CPOX: variants seen among roughly 807,000 people sequenced by gnomAD.
CPOX encodes the protein coproporphyrinogen oxidase.
Under a neutral mutation model 48.9 loss-of-function variants are expected in CPOX, and 24 were observed. The observed-to-expected ratio is 0.49, with a 90% CI of 0.36 to 0.69. The LOEUF (loss-of-function observed/expected upper bound fraction) is 0.69, where lower values mean the gene tolerates loss of function less well. CPOX is among the 30% of genes least tolerant of loss of function. The probability of loss-of-function intolerance (pLI) is 0.00; values close to 1 mark genes in which losing one functional copy is unlikely to be tolerated. For missense variants in CPOX, 549 were observed against 597.3 expected (o/e 0.92, Z 0.84); for synonymous variants, 249 against 234.6 (o/e 1.06, Z -0.56).
Position 98,580,316 on chromosome 3 carries a change from G to T in CPOX, c.*367C>A. 3 of 1,008,916 alleles carry T rather than the reference G, an allele frequency of 3.0e-6. No individual in the cohort carries two copies. Among genetic ancestry groups the T allele is most frequent in the Non-Finnish European group, 3.6e-6 (3 of 843,828 alleles). 62.5% of individuals were successfully genotyped at this position (1,008,916 alleles called of 1,614,324 possible). On this transcript the variant is annotated 3_prime_UTR_variant, in exon 7 of 7. Transcript: ENST00000647941. ...ATATATTCCACGACAGATTTTTGTG[G>T]CACAAATGAAAACTTTAAAAAATAC...
intron 4 of CPOX, 24 bp downstream of exon 4, chr3:98,588,689 T>A (rs756562257): frequency 1.2e-6 from 2 of 1,613,804 alleles, no homozygotes; most frequent in Non-Finnish European, 1.7e-6. Context: ...TTTGGGGTCA[T>A]GAAAGTTCAG....
At chr3:98,579,083 C>A (rs543208875), downstream of CPOX, among the ~76,000 whole-genome samples, 29 of 152,322 alleles carry the variant, frequency 1.9e-4, no homozygotes, top group Non-Finnish European at 3.2e-4. Flanking sequence ...GCCTACCCAA[C>A]ATGAAAACAA....
In CPOX at chr3:98,585,502, T is replaced by G. The variant is rs1365778226; in HGVS notation, c.1111A>C (p.Lys371Gln). Reference protein sequence around the residue: ...VVPSYIPLVKKHCDDSFTPQE... With the variant: ...VVPSYIPLVKQHCDDSFTPQE... ...GGGGTGAATGAGTCATCACAGTGCT[T>G]TTTCACAAGGGGAATGTAAGAAGGA... Residue 371 changes from lysine (K) to glutamine (Q), a missense_variant, in exon 5 of 7, where the codon AAG becomes CAG. Around this residue, in one of 2 missense-constraint regions of CPOX, gnomAD observed 213 missense variants for 279.1 expected, o/e 0.76. Coordinates refer to ENST00000647941, the MANE Select transcript of CPOX (RefSeq NM_000097.7). 1 of 1,614,066 alleles carries G rather than the reference T, an allele frequency of 6.2e-7. No homozygotes were observed. The highest frequency in any genetic ancestry group is 1.3e-5 in the African/African-American group (1 of 74,990).
Position 98,590,674 on chromosome 3 carries a change from T to G in CPOX, c.769A>C (p.Ile257Leu). Reference sequence around the variant, plus strand: ...TCAAAGTATCTGTAGTTGAAATGGATAGTAGGAGCATGAGGATTCTTGGGG... The same window carrying G: ...TCAAAGTATCTGTAGTTGAAATGGAGAGTAGGAGCATGAGGATTCTTGGGG... ...IHPKNPHAPT[I>L]HFNYRYFEVE... is the part of the protein sequence containing the mutation. The change falls in exon 3 of 7, where the codon ATC (isoleucine) becomes CTC (leucine). Residue 257 changes from isoleucine (I) to leucine (L), a missense_variant. Around this residue, in one of 2 missense-constraint regions of CPOX, gnomAD observed 213 missense variants for 279.1 expected, o/e 0.76. Coordinates refer to ENST00000647941, the MANE Select transcript of CPOX (RefSeq NM_000097.7). 6.2e-7 allele frequency: 1 copy of G among 1,614,056 alleles called. No homozygotes were observed. The highest frequency in any genetic ancestry group is 8.5e-7 in the Non-Finnish European group (1 of 1,179,910).
chr3:98,578,163 A>C, downstream of CPOX: 1 of 706,664 alleles, frequency 1.4e-6, no homozygotes, highest in South Asian at 6.3e-5. Context: ...AAGAAATTGA[A>C]AGAGAAATTC....
chr3:98,583,676 T>C (rs573468912), intron 5 of CPOX, among the ~76,000 whole-genome samples: 5 of 152,248 alleles, frequency 3.3e-5, no homozygotes, highest in Non-Finnish European at 7.4e-5. Context: ...CTGGATGAGA[T>C]TGCCAAATAA....
At chr3:98,584,523 G>A (rs1482827835) in intron 5 of CPOX, among the ~76,000 whole-genome samples, 1 of 152,150 alleles carries the variant, frequency 6.6e-6, no homozygotes, top group Non-Finnish European at 1.5e-5. Flanking sequence ...TCTTTAGACT[G>A]GAAACATTAT....
chr3:98,585,673 C>A lies in CPOX; in HGVS notation c.954-14G>T, dbSNP rs753600083. ...TAATCATCACACCTGGAAAACACAG[C>A]GGCGCCAAACCAGGGATCAAATGGA... On this transcript the variant is annotated splice_polypyrimidine_tract_variant and intron_variant, in intron 4 of 6. Transcript: ENST00000647941. 1.1e-5 allele frequency: 17 copies of A among 1,597,748 alleles called. No individual in the cohort carries two copies. Among genetic ancestry groups the A allele is most frequent in the East Asian group, 2.2e-5 (1 of 44,786 alleles).
Position 98,580,484 on chromosome 3 carries a change from A to G in CPOX, c.*199T>C. On this transcript the variant is annotated 3_prime_UTR_variant, in exon 7 of 7. Coordinates refer to ENST00000647941, the MANE Select transcript of CPOX (RefSeq NM_000097.7). ...TAGAAGTATAAATGAGGTTTAATCA[A>G]TTGACTCTGACAATCTGCCATCTCA... The G allele has an allele frequency of 7.0e-7, 1 of 1,421,682 alleles. No homozygotes were observed. Among genetic ancestry groups the G allele is most frequent in the Non-Finnish European group, 9.2e-7 (1 of 1,089,826 alleles). The allele number at this position is 1,421,682 out of a possible 1,614,324, so 88.1% of individuals were successfully genotyped here.
At chr3:98,577,565 T>C (rs113884399), downstream of CPOX, among the ~76,000 whole-genome samples, 2,970 of 152,294 alleles carry the variant, frequency 0.02, 81 homozygotes, top group African/African-American at 0.062. Flanking sequence ...TGGAAGGCTG[T>C]GTGGAGGTTT....
downstream of CPOX, among the ~76,000 whole-genome samples, chr3:98,575,625 C>T (rs1198530379): frequency 6.7e-6 from 1 of 150,112 alleles, no homozygotes; most frequent in African/African-American, 2.5e-5. Flanking sequence ...AACCTTGTCT[C>T]TACTAAAAAA....
Position 98,579,951 on chromosome 3 carries a change from G to C in CPOX, c.*732C>G. On this transcript the variant is annotated 3_prime_UTR_variant, in exon 7 of 7. Transcript: ENST00000647941. ...TAAGTATCAGAATTCAGGGATATAA[G>C]CTTTCACATTCAAAAGTGCAGAGAA... 1.0e-6 allele frequency: 1 copy of C among 985,770 alleles called. No individual in the cohort carries two copies. The highest frequency in any genetic ancestry group is 4.7e-5 in the South Asian group (1 of 21,286). The allele number at this position is 985,770 out of a possible 1,614,324, so 61.1% of individuals were successfully genotyped here. A position where few individuals can be genotyped will look rare whatever the true frequency, so the allele number is the denominator to read the frequency against.
chr3:98,579,946 T>C lies in CPOX; in HGVS notation c.*737A>G. 1 of 985,826 alleles carries C rather than the reference T, an allele frequency of 1.0e-6. No individual in the cohort carries two copies. Among genetic ancestry groups the C allele is most frequent in the Non-Finnish European group, 1.2e-6 (1 of 829,884 alleles). The allele number at this position is 985,826 out of a possible 1,614,324, so 61.1% of individuals were successfully genotyped here. On this transcript the variant is annotated 3_prime_UTR_variant, in exon 7 of 7. Coordinates refer to ENST00000647941, the MANE Select transcript of CPOX (RefSeq NM_000097.7). ...ACTCTTAAGTATCAGAATTCAGGGA[T>C]ATAAGCTTTCACATTCAAAAGTGCA... is the stretch of plus-strand genomic sequence containing the variant.
chr3:98,584,591 G>A (rs1384371659), intron 5 of CPOX, among the ~76,000 whole-genome samples: 1 of 152,132 alleles, frequency 6.6e-6, no homozygotes, highest in Non-Finnish European at 1.5e-5. Context: ...AGCTTCTTTT[G>A]CCTAACACAG....
At chr3:98,571,931 T>C in the CPOX span, among the ~76,000 whole-genome samples, 2 of 152,174 alleles carry the variant, frequency 1.3e-5, no homozygotes, top group African/African-American at 2.4e-5. Flanking sequence ...ATTGTCAGTA[T>C]AGTTTCTGTT....
intron 5 of CPOX, among the ~76,000 whole-genome samples, chr3:98,584,281 C>T (rs189899606): frequency 6.0e-4 from 92 of 152,210 alleles, no homozygotes; most frequent in African/African-American, 2.0e-3. Flanking sequence ...TTACAGCCAC[C>T]GGGTAGCCAA....
At chr3:98,578,466 T>C (rs554730960), downstream of CPOX, among the ~76,000 whole-genome samples, 1 of 152,366 alleles carries the variant, frequency 6.6e-6, no homozygotes, top group African/African-American at 2.4e-5. Context: ...TATTGAAGTA[T>C]TATTCACATA....
downstream of CPOX, chr3:98,578,285 A>G: frequency 1.0e-6 from 1 of 960,704 alleles, no homozygotes; most frequent in South Asian, 4.8e-5. Context: ...AAACAAATGC[A>G]CAGAAAAATT....
intron 4 of CPOX, among the ~76,000 whole-genome samples, chr3:98,587,138 AAAC>A (rs142155127): frequency 0.015 from 2,327 of 152,332 alleles, 58 homozygotes; most frequent in African/African-American, 0.052. Context: ...TCAATTGCTT[AAAC>A]AACAACAACA....
Sources: gnomAD v4.1 joint callset for allele counts (sites outside exome capture counted in the v4.1 genomes callset) on GRCh38, gnomAD v4.1.1 for gene constraint, gnomAD v4.1.1 regional missense constraint, MANE v1.5 for transcripts, NCBI Gene and HGNC (gene_info 2026-07-23, HGNC 2026-07-21) for gene names.